The following OSBP2 variants were observed in gnomAD, a reference collection of about 807,000 sequenced individuals.
The protein encoded by OSBP2 is oxysterol-binding protein 2.
A neutral mutation model predicts 96.0 loss-of-function variants in OSBP2; 66 were observed. The ratio of observed to expected loss-of-function variants is 0.69; its 90% confidence interval spans 0.56 to 0.84. OSBP2 has a LOEUF of 0.84. Among genes scored for constraint, OSBP2 ranks in the 40% least tolerant of loss-of-function variants. OSBP2 has a pLI of 0.00. For missense variants in OSBP2, 1,038 were observed against 1,222.7 expected (o/e 0.85, Z 2.25); for synonymous variants, 525 against 520.9 (o/e 1.01, Z -0.11).
At position 30,881,609 on chromosome 22, in the gene OSBP2, C is replaced by A. The variant is rs1311245627; in HGVS notation, c.1108-5817C>A. On this transcript the variant is annotated intron_variant, in intron 3 of 13. Transcript: ENST00000332585. This position sits in a 1 kb window ranked among gnomAD's most constrained non-coding sequence, Gnocchi z 4.5. ...GCCCTCCCTGGGCCCCTGGGAACCT[C>A]CCCCTGCCAGTCCCTCTGCCGGGCC... is the stretch of plus-strand genomic sequence containing the variant. The A allele has an allele frequency of 3.1e-6, 4 of 1,278,846 alleles. No individual in the cohort carries two copies. In the African/African-American group the frequency reaches 6.1e-5, roughly 20 times the overall value. The allele number at this position is 1,278,846 out of a possible 1,614,324, so 79.2% of individuals were successfully genotyped here.
intron 2 of OSBP2, among the ~76,000 whole-genome samples, chr22:30,750,093 T>C (rs2090054964): frequency 6.6e-6 from 1 of 152,140 alleles, no homozygotes. Flanking sequence ...CTGGGCTAAG[T>C]TTGCATTTCT....
At chr22:30,800,701 G>A (rs138521803) in intron 2 of OSBP2, among the ~76,000 whole-genome samples, 6 of 152,302 alleles carry the variant, frequency 3.9e-5, no homozygotes, top group South Asian at 2.1e-4. Flanking sequence ...AGTGTCTTCC[G>A]GCCTTTGTGT....
At chr22:30,749,116 TACAA>T (rs750175978) in intron 2 of OSBP2, among the ~76,000 whole-genome samples, 9 of 152,230 alleles carry the variant, frequency 5.9e-5, no homozygotes, top group African/African-American at 1.9e-4. Context: ...AGACTCTGTC[TACAA>T]ACAAACAAAC....
chr22:30,853,318 T>G (rs1451376610), intron 2 of OSBP2, among the ~76,000 whole-genome samples: 1 of 152,232 alleles, frequency 6.6e-6, no homozygotes, highest in African/African-American at 2.4e-5. Flanking sequence ...ATCCAGGAGT[T>G]TGTGTTATCT....
chr22:30,834,406 G>T (rs136218), intron 2 of OSBP2, among the ~76,000 whole-genome samples: 135,372 of 152,298 alleles, frequency 0.89, 60,487 homozygotes, highest in East Asian at 1. Flanking sequence ...ACTTTTGAGA[G>T]ACTGCTCAAC....
At chr22:30,843,452 C>G (rs201910932) in intron 2 of OSBP2, among the ~76,000 whole-genome samples, 7,246 of 83,794 alleles carry the variant, frequency 0.086, 221 homozygotes, top group Non-Finnish European at 0.11. Flanking sequence ...TTTCCCCCCT[C>G]CCCCTTGAGC....
intron 2 of OSBP2, among the ~76,000 whole-genome samples, chr22:30,788,755 C>G (rs1026881464): frequency 1.3e-5 from 2 of 152,136 alleles, no homozygotes; most frequent in African/African-American, 4.8e-5. Flanking sequence ...CTCTGTCACC[C>G]AGGCTGGAGT....
At chr22:30,790,971 A>AT (rs1323875403) in intron 2 of OSBP2, among the ~76,000 whole-genome samples, 6 of 151,842 alleles carry the variant, frequency 4.0e-5, no homozygotes, top group South Asian at 4.2e-4. Flanking sequence ...TTTTTCTTTC[A>AT]TTTTTTATTT....
chr22:30,905,797 C>T (rs1002109868), intron 12 of OSBP2, 40 bp from the exon 13 acceptor site: 12 of 1,606,200 alleles, frequency 7.5e-6, no homozygotes, highest in Non-Finnish European at 1.0e-5. Flanking sequence ...TGGTCCGGCT[C>T]ACACCGCAGC....
At chr22:30,894,326 G>A in intron 12 of OSBP2, 1 of 256,540 alleles carries the variant, frequency 3.9e-6, no homozygotes, top group Non-Finnish European at 7.4e-6. Flanking sequence ...AGTCCAAAGA[G>A]AACAAATAGA....
In OSBP2 at chr22:30,730,804, AT is replaced by A. The variant is rs1569100707; in HGVS notation, c.645-10356del. 3.7e-3 allele frequency among the ~76,000 whole-genome samples: 169 copies of A among 46,276 alleles called. 10 individuals are homozygous for A. Among genetic ancestry groups the A allele is most frequent in the African/African-American group, 0.019 (157 of 8,428 alleles). 30.4% of individuals were successfully genotyped at this position (46,276 alleles called of 152,430 possible). ...TATATATATATATATATATATATAT[AT>A]ATAATTTTTTTTTTTTTTCCCATGG... On this transcript the variant is annotated intron_variant, in intron 1 of 13. Transcript: ENST00000332585.
intron 2 of OSBP2, among the ~76,000 whole-genome samples, chr22:30,834,585 G>C (rs986620390): frequency 8.6e-5 from 13 of 152,006 alleles, no homozygotes; most frequent in African/African-American, 3.1e-4. Context: ...GTTTTGTTTT[G>C]CATTTCTCTA....
chr22:30,824,058 G>T (rs1015440685), intron 2 of OSBP2, among the ~76,000 whole-genome samples: 1 of 152,154 alleles, frequency 6.6e-6, no homozygotes, highest in Non-Finnish European at 1.5e-5. Flanking sequence ...AAGGAGCATT[G>T]GACCCGATGT....
chr22:30,888,326 G>A lies in OSBP2; in HGVS notation c.1404G>A (p.Glu468=). The A allele has an allele frequency of 1.2e-6, 2 of 1,610,724 alleles. No homozygotes were observed. Among genetic ancestry groups the A allele is most frequent in the Non-Finnish European group, 1.7e-6 (2 of 1,177,046 alleles). The change falls in exon 5 of 14, where the codon GAG becomes GAA. Residue 468 remains glutamate, a synonymous_variant. Coordinates refer to ENST00000332585, the MANE Select transcript of OSBP2 (RefSeq NM_030758.4). ...CATCCTTCATCACCGTGATCACCGA[G>A]GCCAAGGAAGACAGGTAAGGTGGCT... is the stretch of plus-strand genomic sequence containing the variant. The part of the protein sequence containing the change: ...DSTSFITVIT[E]AKEDSRKAEG...
At chr22:30,843,060 A>G (rs2038787708) in intron 2 of OSBP2, among the ~76,000 whole-genome samples, 1 of 152,208 alleles carries the variant, frequency 6.6e-6, no homozygotes, top group African/African-American at 2.4e-5. Context: ...CTGGGATTAC[A>G]GGTGTGAGCC....
chr22:30,780,136 G>A (rs1040564398), intron 2 of OSBP2, among the ~76,000 whole-genome samples: 1 of 152,200 alleles, frequency 6.6e-6, no homozygotes, highest in Non-Finnish European at 1.5e-5. Context: ...GTCCTTGAGG[G>A]GCCCACAGCC....
chr22:30,759,803 C>T (rs1248179768), intron 2 of OSBP2, among the ~76,000 whole-genome samples: 1 of 152,220 alleles, frequency 6.6e-6, no homozygotes, highest in African/African-American at 2.4e-5. Flanking sequence ...ACTATTTCCA[C>T]ACAATCTCTT....
At chr22:30,787,227 G>A (rs946679041) in intron 2 of OSBP2, among the ~76,000 whole-genome samples, 1 of 152,136 alleles carries the variant, frequency 6.6e-6, no homozygotes, top group Non-Finnish European at 1.5e-5. Flanking sequence ...AGTATGGCTG[G>A]GGAGGCCACA....
At chr22:30,767,069 A>ATTT (rs136334) in intron 2 of OSBP2, among the ~76,000 whole-genome samples, 24 of 130,812 alleles carry the variant, frequency 1.8e-4, no homozygotes, top group African/African-American at 6.1e-4. Flanking sequence ...ATGGGATTTA[A>ATTT]TTTTTTTTTT....
Sources: allele counts gnomAD v4.1 joint callset (sites outside exome capture counted in the v4.1 genomes callset), GRCh38; gene constraint gnomAD v4.1.1; non-coding constraint Gnocchi (gnomAD v3.1); transcripts MANE v1.5; gene names NCBI Gene and HGNC (gene_info 2026-07-23, HGNC 2026-07-21).